INTS1: variants seen among roughly 807,000 people sequenced by gnomAD.
INTS1 encodes integrator complex subunit 1.
Under a neutral mutation model 241.6 loss-of-function variants are expected in INTS1, and 137 were observed. That is an observed-to-expected ratio of 0.57 (90% CI 0.49 to 0.65). The LOEUF (loss-of-function observed/expected upper bound fraction) is 0.65, where lower values mean the gene tolerates loss of function less well. Ranked by LOEUF, INTS1 falls within the 30% of genes least tolerant of loss-of-function variation. The pLI is 0.00. For synonymous variants in INTS1, 1,692 were observed against 1,337.8 expected, an observed-to-expected ratio of 1.26 and a Z score of -5.78; for missense variants, 3,073 against 3,032.2, an observed-to-expected ratio of 1.01 and a Z score of -0.32.
rs1290668968 is a variant in INTS1 at position 1,487,079 on chromosome 7, C to CAGGG, written c.2665_2668dup (p.Trp890SerfsTer76). On this transcript the variant is annotated frameshift_variant, in exon 21 of 48. Transcript: ENST00000404767. LOFTEE classifies it high-confidence loss of function. The stretch of plus-strand genomic sequence containing the variant: ...GCTGGACTGTACCAGGTCCGCCAGC[C>CAGGG]AGGGCATGGACTGCGAGGAGGCCTG... The CAGGG allele has an allele frequency of 6.4e-7, 1 of 1,554,786 alleles. No homozygotes were observed. Among genetic ancestry groups the CAGGG allele is most frequent in the East Asian group, 2.4e-5 (1 of 41,782 alleles).
chr7:1,488,047 C>A (rs1163021767), intron 18 of INTS1, 90 bp from the exon 19 acceptor site: 2 of 1,363,730 alleles, frequency 1.5e-6, no homozygotes. Context: ...GGGTAAAACC[C>A]CTACGGCTGC....
Position 1,476,190 on chromosome 7 carries a change from C to G in INTS1, c.5378+39G>C, listed in dbSNP as rs780043707. 2.0e-5 allele frequency: 31 copies of G among 1,535,136 alleles called. No individual in the cohort carries two copies. In the African/African-American group the frequency reaches 4.0e-4, roughly 20 times the overall value. ...CTGGGCCTCGACCCCCTCCATGGCT[C>G]ACTCCCAGGCAGCATCTGGGGCCGG... On this transcript the variant is annotated intron_variant, in intron 38 of 47. Transcript: ENST00000404767.
intron 38 of INTS1, 31 bp from the exon 39 acceptor site, chr7:1,476,102 G>A (rs758520415): frequency 4.0e-5 from 62 of 1,530,956 alleles, no homozygotes; most frequent in South Asian, 9.6e-5. Context: ...CTCACCAGGC[G>A]GACGGGGCCC....
Position 1,482,920 on chromosome 7 carries a change from A to G in INTS1, c.3542-213T>C, listed in dbSNP as rs117413409. ...TCCTCACAGATGCTGCAGGAAGGCA[A>G]GCAGCATCACTGCCATTTTGTCGTG... On this transcript the variant is annotated intron_variant, in intron 26 of 47. Coordinates refer to ENST00000404767, the MANE Select transcript of INTS1 (RefSeq NM_001080453.3). 6.2e-3 allele frequency: 3,638 copies of G among 583,724 alleles called. 88 individuals carry two copies. The highest frequency in any genetic ancestry group is 0.052 in the East Asian group (1,779 of 33,980). 36.2% of individuals were successfully genotyped at this position (583,724 alleles called of 1,614,324 possible).
chr7:1,501,512 G>A (rs1221649490), intron 3 of INTS1, among the ~76,000 whole-genome samples: 1 of 152,058 alleles, frequency 6.6e-6, no homozygotes, highest in African/African-American at 2.4e-5. Flanking sequence ...GTTTTGCTGA[G>A]AATAATACTA....
At position 1,499,566 on chromosome 7, in the gene INTS1, C is replaced by A. The variant is rs1303169656; in HGVS notation, c.751G>T (p.Asp251Tyr). ...VDSPHCKTFV[D>Y]NIQTAFNTRM... ...GTGTTGAAGGCCGTCTGGATGTTGT[C>A]CACAAACGTCTTACAGTGAGGGCTG... The change falls in exon 6 of 48, where the codon GAC becomes TAC. Residue 251 changes from aspartate (D) to tyrosine (Y), a missense_variant. Coordinates refer to ENST00000404767, the MANE Select transcript of INTS1 (RefSeq NM_001080453.3). The A allele has an allele frequency of 6.2e-6, 10 of 1,613,542 alleles. No individual in the cohort carries two copies. The highest frequency in any genetic ancestry group is 8.5e-6 in the Non-Finnish European group (10 of 1,179,692).
intron 3 of INTS1, among the ~76,000 whole-genome samples, chr7:1,502,551 G>A (rs1362180874): frequency 2.0e-5 from 3 of 152,128 alleles, no homozygotes; most frequent in Admixed American, 2.0e-4. Context: ...GCACCAGGAT[G>A]GGCAACCTTG....
Position 1,497,416 on chromosome 7 carries a change from A to G in INTS1, c.1426-102T>C. On this transcript the variant is annotated intron_variant, in intron 10 of 47. Transcript: ENST00000404767. The surrounding 1 kb of genome is among the most constrained non-coding windows in gnomAD (Gnocchi z 5.3). ...CAGGTATGGCGCCCGAGGGCGCTGC[A>G]GTGGGTCTCAGACAGTGTGGGGTGC... 7.9e-7 allele frequency: 1 copy of G among 1,263,302 alleles called. No individual in the cohort carries two copies. Among genetic ancestry groups the G allele is most frequent in the East Asian group, 2.5e-5 (1 of 39,750 alleles). 78.3% of individuals were successfully genotyped at this position (1,263,302 alleles called of 1,614,324 possible). A position where few individuals can be genotyped will look rare whatever the true frequency, so the allele number is the denominator to read the frequency against.
intron 19 of INTS1, 84 bp downstream of exon 19, chr7:1,487,676 G>C: frequency 6.6e-7 from 1 of 1,523,044 alleles, no homozygotes; most frequent in South Asian, 1.1e-5. Flanking sequence ...GGCTCCGCCT[G>C]CTCCTTCAGC....
chr7:1,473,423 G>A, intron 42 of INTS1, 143 bp downstream of exon 42: 1 of 1,100,164 alleles, frequency 9.1e-7, no homozygotes, highest in Non-Finnish European at 1.3e-6. Context: ...TCTGCGCCCT[G>A]GGATGAGCAC....
chr7:1,472,464 C>T (rs1013292458), intron 43 of INTS1, 78 bp from the exon 44 acceptor site: 2 of 1,038,518 alleles, frequency 1.9e-6, no homozygotes, highest in South Asian at 1.6e-5. Flanking sequence ...CCTGCCCTCC[C>T]GAGAGCACGG....
rs773467923 is a variant in INTS1 at position 1,483,994 on chromosome 7, C to T, written c.3429+9G>A. The T allele has an allele frequency of 1.5e-5, 24 of 1,603,988 alleles. 1 individual carries two copies. Among genetic ancestry groups the T allele is most frequent in the South Asian group, 9.9e-5 (9 of 90,652 alleles). ...GCCCTCACCCGGCCGTAGACCTCCT[C>T]GCCCTCACCCAGCTGTAGACCTCCT... is the stretch of plus-strand genomic sequence containing the variant. On this transcript the variant is annotated intron_variant, in intron 25 of 47. Coordinates refer to ENST00000404767, the MANE Select transcript of INTS1 (RefSeq NM_001080453.3).
rs111768688 is a variant in INTS1 at position 1,489,574 on chromosome 7, G to A, written c.2257+17C>T. 8.5e-5 allele frequency: 132 copies of A among 1,560,190 alleles called. No individual in the cohort carries two copies. Among genetic ancestry groups the A allele is most frequent in the Middle Eastern group, 3.4e-4 (2 of 5,924 alleles). On this transcript the variant is annotated intron_variant, in intron 17 of 47. Coordinates refer to ENST00000404767, the MANE Select transcript of INTS1 (RefSeq NM_001080453.3). ...GCAGGGCCACGTGTGCGCATGGGGC[G>A]GCCAGCAGAGGCTCACCGATGTTCT...
intron 3 of INTS1, chr7:1,501,408 T>C (rs1783175394): frequency 6.6e-6 from 1 of 152,168 alleles, no homozygotes; most frequent in Non-Finnish European, 1.5e-5. Flanking sequence ...ATAAATTTCC[T>C]GATGCCGAGA....
rs1159546450 is a variant in INTS1 at position 1,479,470 on chromosome 7, A to C, written c.4289T>G (p.Phe1430Cys). The C allele has an allele frequency of 6.3e-7, 1 of 1,578,792 alleles. No individual in the cohort carries two copies. The highest frequency in any genetic ancestry group is 8.6e-7 in the Non-Finnish European group (1 of 1,163,538). The change falls in exon 31 of 48, where the codon TTC becomes TGC. Residue 1430 changes from phenylalanine to cysteine, a missense_variant. Physicochemically the swap from Phe to Cys is radical, Grantham distance 205. Transcript: ENST00000404767. ...CTGGCGCAGCAGCGGGCAGGCCAGGAAGTGGCTACGGTGCATGGACATCAC... is the reference window on the plus strand; with the variant it reads ...CTGGCGCAGCAGCGGGCAGGCCAGGCAGTGGCTACGGTGCATGGACATCAC... ...ALVMSMHRSH[F>C]LACPLLRQLC... is the part of the protein sequence containing the mutation.
At position 1,496,213 on chromosome 7, in the gene INTS1, C is replaced by A; in HGVS notation, c.1654G>T (p.Gly552Cys). The A allele has an allele frequency of 6.2e-7, 1 of 1,613,874 alleles. No homozygotes were observed. Among genetic ancestry groups the A allele is most frequent in the Non-Finnish European group, 8.5e-7 (1 of 1,179,828 alleles). ...GCCTCCTTCACCTGCGCTGTGATGC[C>A]CAGCATCATGGACACGGCCAGGACG... ...TDVLAVSMML[G>C]ITAQVKEAGI... Residue 552 changes from glycine to cysteine, a missense_variant, in exon 12 of 48, where the codon GGC becomes TGC. Transcript: ENST00000404767.
At chr7:1,503,840 T>TCCCCAAAGA in intron 2 of INTS1, 63 bp downstream of exon 2, 1 of 897,930 alleles carries the variant, frequency 1.1e-6, no homozygotes, top group Middle Eastern at 2.6e-4. Context: ...GCAGCTGAGA[T>TCCCCAAAGA]CCCCAAAGAC....
At position 1,476,404 on chromosome 7, in the gene INTS1, G is replaced by A. The variant is rs1426607152; in HGVS notation, c.5203C>T (p.Leu1735=). The change falls in exon 38 of 48, where the codon CTG becomes TTG. Residue 1735 remains leucine, a synonymous_variant. Coordinates refer to ENST00000404767, the MANE Select transcript of INTS1 (RefSeq NM_001080453.3). ...LRVQGPELIS[L]VELILAEAET... Reference sequence around the variant, plus strand: ...GCCTCGGCCAGGATCAGCTCCACCAGGCTGATGAGCTCCGGGCCCTGGACC... The same window carrying A: ...GCCTCGGCCAGGATCAGCTCCACCAAGCTGATGAGCTCCGGGCCCTGGACC... 1.3e-6 allele frequency: 2 copies of A among 1,576,336 alleles called. No individual in the cohort carries two copies. The highest frequency in any genetic ancestry group is 1.3e-5 in the African/African-American group (1 of 74,298).
At chr7:1,498,598 C>T (rs1017996992) in intron 9 of INTS1, 45 bp from the exon 10 acceptor site, 25 of 1,597,322 alleles carry the variant, frequency 1.6e-5, no homozygotes, top group Middle Eastern at 2.0e-4. Context: ...TACGCCTGTG[C>T]CCCCACTCCG....
Sources: gnomAD v4.1 joint callset for allele counts (sites outside exome capture counted in the v4.1 genomes callset) on GRCh38, gnomAD v4.1.1 for gene constraint, Gnocchi (gnomAD v3.1) non-coding constraint, MANE v1.5 for transcripts, NCBI Gene and HGNC (gene_info 2026-07-23, HGNC 2026-07-21) for gene names.